APBB1IP: variants seen among roughly 807,000 people sequenced by gnomAD.
The protein encoded by APBB1IP is amyloid beta A4 precursor protein-binding family B member 1-interacting protein.
A neutral mutation model predicts 64.9 loss-of-function variants in APBB1IP; 27 were observed. The ratio of observed to expected loss-of-function variants is 0.42; its 90% confidence interval spans 0.31 to 0.57. The LOEUF is 0.57. Ranked by LOEUF, APBB1IP falls within the 20% of genes least tolerant of loss-of-function variation. The probability of loss-of-function intolerance (pLI) is 0.20; values close to 1 mark genes in which losing one functional copy is unlikely to be tolerated. For missense variants in APBB1IP, 812 were observed against 845.5 expected (o/e 0.96, Z 0.49); for synonymous variants, 392 against 331.0 (o/e 1.18, Z -2.00).
chr10:26,477,990 A>G (rs1176647397), intron 2 of APBB1IP, among the ~76,000 whole-genome samples: 1 of 152,258 alleles, frequency 6.6e-6, no homozygotes, highest in East Asian at 1.9e-4. Context: ...CTCAGAGTCT[A>G]TCATGTATTT....
At chr10:26,506,263 TG>T (rs1836177600) in intron 6 of APBB1IP, among the ~76,000 whole-genome samples, 1 of 52,582 alleles carries the variant, frequency 1.9e-5, no homozygotes, top group Non-Finnish European at 3.5e-5. Flanking sequence ...GGGGGGGGGG[TG>T]GGGGGCAAGG....
chr10:26,492,273 C>T, intron 2 of APBB1IP, 54 bp from the exon 3 acceptor site: 11 of 1,521,038 alleles, frequency 7.2e-6, no homozygotes, highest in Non-Finnish European at 7.3e-6. Context: ...CAAAGAGTAT[C>T]CTAGGATCAG....
At chr10:26,566,646 C>T (rs148266526) in intron 14 of APBB1IP, among the ~76,000 whole-genome samples, 1 of 152,034 alleles carries the variant, frequency 6.6e-6, no homozygotes, top group Non-Finnish European at 1.5e-5. Flanking sequence ...AGCTCATGAC[C>T]GACCAGGAGT....
intron 6 of APBB1IP, among the ~76,000 whole-genome samples, chr10:26,506,375 T>C (rs894907856): frequency 2.6e-5 from 4 of 151,890 alleles, no homozygotes; most frequent in African/African-American, 9.7e-5. Context: ...GCCTCCCAAG[T>C]AGCTGAGACT....
intron 2 of APBB1IP, among the ~76,000 whole-genome samples, chr10:26,451,259 T>C (rs1041772251): frequency 6.6e-6 from 1 of 152,170 alleles, no homozygotes; most frequent in Non-Finnish European, 1.5e-5. Context: ...TTCGTTTTAC[T>C]TTAGTTTTTG....
At chr10:26,454,486 G>GA (rs1470647268) in intron 2 of APBB1IP, among the ~76,000 whole-genome samples, 1 of 151,256 alleles carries the variant, frequency 6.6e-6, no homozygotes, top group East Asian at 1.9e-4. Flanking sequence ...ACTCTGTCTC[G>GA]AAAAAAATAA....
intron 8 of APBB1IP, among the ~76,000 whole-genome samples, chr10:26,524,163 C>T (rs1336849200): frequency 3.9e-5 from 6 of 152,078 alleles, no homozygotes; most frequent in Admixed American, 1.3e-4. Flanking sequence ...ATTATAGAAA[C>T]TCAACTTCTT....
chr10:26,453,367 C>T (rs1835485940), intron 2 of APBB1IP, among the ~76,000 whole-genome samples: 1 of 152,174 alleles, frequency 6.6e-6, no homozygotes, highest in Non-Finnish European at 1.5e-5. Context: ...TGGGCATGGA[C>T]TGTGGATGAG....
In APBB1IP at chr10:26,567,352, C is replaced by T. The variant is rs200114349; in HGVS notation, c.1865C>T (p.Ala622Val). ...PVPDSARPPP[A>V]VAKRPPVPPK... is the part of the protein sequence containing the mutation. ...CCCGACTCCGCCAGGCCGCCCCCCG[C>T]GGTGGCCAAGAGGCCTCCTGTGCCC... Residue 622 changes from alanine to valine, a missense_variant, in exon 15 of 15, where the codon GCG (alanine) becomes GTG (valine). Around this residue, in one of 3 missense-constraint regions of APBB1IP, gnomAD observed 381 missense variants for 352.1 expected, o/e 1.08. Transcript: ENST00000376236. The T allele has an allele frequency of 1.3e-3, 1,898 of 1,476,018 alleles. 18 individuals carry two copies. The African/African-American group carries it at 0.017, about 13-fold the overall frequency. 91.4% of individuals were successfully genotyped at this position (1,476,018 alleles called of 1,614,324 possible).
At chr10:26,490,660 T>C (rs1835944417) in intron 2 of APBB1IP, among the ~76,000 whole-genome samples, 2 of 152,190 alleles carry the variant, frequency 1.3e-5, no homozygotes, top group Admixed American at 1.3e-4. Flanking sequence ...ATCTTTATCT[T>C]TTAGCACTGC....
intron 2 of APBB1IP, among the ~76,000 whole-genome samples, chr10:26,456,003 C>G (rs1336127111): frequency 1.3e-5 from 2 of 152,100 alleles, no homozygotes; most frequent in Admixed American, 1.3e-4. Flanking sequence ...CACAAAAGAC[C>G]ACATTAATGT....
At chr10:26,560,408 G>C (rs1010452379) in intron 12 of APBB1IP, among the ~76,000 whole-genome samples, 1 of 152,162 alleles carries the variant, frequency 6.6e-6, no homozygotes, top group African/African-American at 2.4e-5. Context: ...TTTACTCATG[G>C]CGAGTATTGC....
At chr10:26,534,134 CTAA>C (rs373754894) in intron 9 of APBB1IP, among the ~76,000 whole-genome samples, 128 of 152,036 alleles carry the variant, frequency 8.4e-4, no homozygotes, top group African/African-American at 3.0e-3. Context: ...TTGGAAACCT[CTAA>C]TGAGTTTTCA....
chr10:26,566,145 G>C (rs1837039984), intron 14 of APBB1IP, among the ~76,000 whole-genome samples: 1 of 152,154 alleles, frequency 6.6e-6, no homozygotes, highest in Non-Finnish European at 1.5e-5. Context: ...GTCCATTTGG[G>C]CCAGGTGGGG....
chr10:26,539,390 T>C (rs1213061826), intron 10 of APBB1IP, among the ~76,000 whole-genome samples: 1 of 118,528 alleles, frequency 8.4e-6, no homozygotes, highest in East Asian at 2.3e-4. Flanking sequence ...CCAGCTGAAG[T>C]GACAATATGA....
At chr10:26,526,668 G>A (rs1349464101) in intron 8 of APBB1IP, among the ~76,000 whole-genome samples, 1 of 151,536 alleles carries the variant, frequency 6.6e-6, no homozygotes, top group African/African-American at 2.4e-5. Context: ...GCGGTGAGCC[G>A]AGACCACACC....
At chr10:26,501,287 T>G in intron 5 of APBB1IP, 176 bp downstream of exon 5, 1 of 801,330 alleles carries the variant, frequency 1.2e-6, no homozygotes, top group South Asian at 1.9e-5. Context: ...GCAAGCCACA[T>G]GGGTGTGTAT....
chr10:26,534,043 G>T (rs1398214244), intron 9 of APBB1IP, among the ~76,000 whole-genome samples: 1 of 151,756 alleles, frequency 6.6e-6, no homozygotes, highest in Non-Finnish European at 1.5e-5. Flanking sequence ...GATGGGGAAA[G>T]CACTGTGTTG....
chr10:26,566,395 C>T (rs1837044213), intron 14 of APBB1IP, among the ~76,000 whole-genome samples: 2 of 152,126 alleles, frequency 1.3e-5, no homozygotes, highest in African/African-American at 2.4e-5. Flanking sequence ...GCCGGGACTA[C>T]GGGCGTCTGC....
Sources: allele counts gnomAD v4.1 joint callset (sites outside exome capture counted in the v4.1 genomes callset), GRCh38; gene constraint gnomAD v4.1.1; regional missense constraint gnomAD v4.1.1; transcripts MANE v1.5; gene names NCBI Gene and HGNC (gene_info 2026-07-23, HGNC 2026-07-21).